The following ALPK2 variants were observed in gnomAD, a reference collection of about 807,000 sequenced individuals.
ALPK2 encodes alpha-protein kinase 2.
Under a neutral mutation model 163.1 loss-of-function variants are expected in ALPK2, and 127 were observed. The ratio of observed to expected loss-of-function variants is 0.78; its 90% CI spans 0.67 to 0.90. ALPK2 has a LOEUF of 0.90. ALPK2 is among the 40% of genes least tolerant of loss of function. The pLI, the probability that ALPK2 is intolerant of heterozygous loss-of-function variation, is 0.00. For synonymous variants in ALPK2, 953 were observed against 959.1 expected (o/e 0.99, Z 0.12); for missense variants, 2,360 against 2,589.6 (o/e 0.91, Z 1.92).
At chr18:58,623,760 T>A (rs560084710) in intron 1 of ALPK2, among the ~76,000 whole-genome samples, 38 of 152,354 alleles carry the variant, frequency 2.5e-4, no homozygotes, top group Admixed American at 1.6e-3. Flanking sequence ...CACGCCACCG[T>A]GCCTGGCTGG....
chr18:58,535,899 C>A lies in ALPK2; in HGVS notation c.4288G>T (p.Ala1430Ser). The change falls in exon 5 of 13, where the codon GCC (alanine) becomes TCC (serine). Residue 1430 changes from alanine (A) to serine (S), a missense_variant. Physicochemically the swap from Ala to Ser is moderately conservative, Grantham distance 99. Transcript: ENST00000361673. ...TCATTTGATTGACCCCCTTCTCTGG[C>A]GCCCTGTGGTGTGGTTTCAGAGGGC... The part of the protein sequence containing the change: ...PEPSETTPQG[A>S]REGGQSNDGN... 6.2e-7 allele frequency: 1 copy of A among 1,614,196 alleles called. No homozygotes were observed. Among genetic ancestry groups the A allele is most frequent in the Non-Finnish European group, 8.5e-7 (1 of 1,180,014 alleles).
Position 58,523,800 on chromosome 18 carries a change from A to T in ALPK2, c.5665+6T>A. Reference sequence around the variant, plus strand: ...TCCTCTGGCAGGTCAACCCTAACTGACTTACCTTTAGTATCCTGGCGACTT... The same window carrying T: ...TCCTCTGGCAGGTCAACCCTAACTGTCTTACCTTTAGTATCCTGGCGACTT... On this transcript the variant is annotated splice_donor_region_variant and intron_variant, in intron 8 of 12. Coordinates refer to ENST00000361673, the MANE Select transcript of ALPK2 (RefSeq NM_052947.4). The T allele has an allele frequency of 6.2e-7, 1 of 1,614,086 alleles. No individual in the cohort carries two copies. Among genetic ancestry groups the T allele is most frequent in the East Asian group, 2.2e-5 (1 of 44,886 alleles).
chr18:58,519,328 A>G (rs1391612135), intron 8 of ALPK2, among the ~76,000 whole-genome samples: 4 of 152,246 alleles, frequency 2.6e-5, no homozygotes, highest in Admixed American at 2.0e-4. Flanking sequence ...AATTTTAACA[A>G]TTTGGCCTCT....
At position 58,485,338 on chromosome 18, in the gene ALPK2, G is replaced by C. The variant is rs548651029; in HGVS notation, c.6297-3299C>G. ...TCGACACACCTGGACTGAATGGAGA[G>C]AGTTTTTTCCCTGTGCAATCCAAGC... is the stretch of plus-strand genomic sequence containing the variant. On this transcript the variant is annotated intron_variant, in intron 12 of 12. Transcript: ENST00000361673. 4.6e-5 allele frequency among the ~76,000 whole-genome samples: 7 copies of C among 152,342 alleles called. No homozygotes were observed. The South Asian group carries it at 1.0e-3, about 23-fold the overall frequency.
intron 3 of ALPK2, among the ~76,000 whole-genome samples, chr18:58,595,679 G>T (rs1331269864): frequency 6.6e-6 from 1 of 152,146 alleles, no homozygotes; most frequent in Non-Finnish European, 1.5e-5. Context: ...GAATTTTTTA[G>T]GGGTGGGATA....
rs765677626 is a variant in ALPK2 at position 58,535,845 on chromosome 18, G to A, written c.4342C>T (p.Gln1448Ter). 1.7e-5 allele frequency: 28 copies of A among 1,614,058 alleles called. No homozygotes were observed. Among genetic ancestry groups the A allele is most frequent in the Non-Finnish European group, 2.3e-5 (27 of 1,180,022 alleles). The change falls in exon 5 of 13, where the codon CAG (glutamine) becomes TAG (stop). Residue 1448 changes from glutamine to a stop codon, truncating the protein, a stop_gained. Transcript: ENST00000361673. LOFTEE classifies it high-confidence loss of function. ...DGNMGHEAEI[Q>*]PAILQVPCLQ... ...CATGGAACTTGCAAAATGGCCGGCTGGATTTCCGCTTCGTGGCCCATGTTT... is the reference window on the plus strand; with the variant it reads ...CATGGAACTTGCAAAATGGCCGGCTAGATTTCCGCTTCGTGGCCCATGTTT...
Position 58,537,355 on chromosome 18 carries a change from C to T in ALPK2, c.2832G>A (p.Gln944=). The T allele has an allele frequency of 6.2e-7, 1 of 1,613,978 alleles. No individual in the cohort carries two copies. The highest frequency in any genetic ancestry group is 8.5e-7 in the Non-Finnish European group (1 of 1,179,924). ...AAGGATTGTTCTCAGAAGAAAGGAG[C>T]TGTGTTTCATCAAGCCCTCCTGAGT... ...PSNSGGLDET[Q]LLSSENNPLV... The change falls in exon 5 of 13, where the codon CAG becomes CAA. Residue 944 remains glutamine, a synonymous_variant. Transcript: ENST00000361673.
At chr18:58,625,779 G>A (rs572887649) in intron 1 of ALPK2, among the ~76,000 whole-genome samples, 1 of 152,358 alleles carries the variant, frequency 6.6e-6, no homozygotes, top group East Asian at 1.9e-4. Flanking sequence ...CCTTGAGAGG[G>A]AGGGTGCAGT....
At chr18:58,516,856 T>C in intron 9 of ALPK2, 52 bp downstream of exon 9, 1 of 1,582,494 alleles carries the variant, frequency 6.3e-7, no homozygotes, top group Non-Finnish European at 8.7e-7. Context: ...TCTCGTCTTA[T>C]CATGGGTGGT....
chr18:58,562,694 C>T (rs758605654), intron 4 of ALPK2, among the ~76,000 whole-genome samples: 3 of 152,210 alleles, frequency 2.0e-5, no homozygotes, highest in Non-Finnish European at 4.4e-5. Context: ...CACAAAGGGC[C>T]GTATATTGGG....
chr18:58,585,236 G>A (rs1002410997), intron 3 of ALPK2, among the ~76,000 whole-genome samples: 29 of 151,934 alleles, frequency 1.9e-4, no homozygotes, highest in African/African-American at 6.5e-4. Flanking sequence ...GTTTATATGG[G>A]TTATATCTGT....
At position 58,482,045 on chromosome 18, in the gene ALPK2, A is replaced by G; in HGVS notation, c.6297-6T>C. 6.2e-7 allele frequency: 1 copy of G among 1,608,368 alleles called. No individual in the cohort carries two copies. The highest frequency in any genetic ancestry group is 8.5e-7 in the Non-Finnish European group (1 of 1,175,244). On this transcript the variant is annotated splice_polypyrimidine_tract_variant and splice_region_variant and intron_variant, in intron 12 of 12. Coordinates refer to ENST00000361673, the MANE Select transcript of ALPK2 (RefSeq NM_052947.4). ...TGCCTTTAAATCCCTTGTACCTGTG[A>G]GTTTGGGTGGAAGGAAACATAGCTT...
chr18:58,506,520 C>T (rs1397384761), intron 10 of ALPK2, among the ~76,000 whole-genome samples: 1 of 152,092 alleles, frequency 6.6e-6, no homozygotes, highest in South Asian at 2.1e-4. Flanking sequence ...AAAACTGAAA[C>T]AATCAATTCA....
chr18:58,554,024 G>T (rs1489208890), intron 4 of ALPK2, among the ~76,000 whole-genome samples: 5 of 151,920 alleles, frequency 3.3e-5, no homozygotes, highest in South Asian at 2.1e-4. Flanking sequence ...ACAAAGCCTG[G>T]CTAATTTTGT....
chr18:58,487,741 A>G (rs2051347096), intron 12 of ALPK2, among the ~76,000 whole-genome samples: 1 of 152,140 alleles, frequency 6.6e-6, no homozygotes. Context: ...CAGCATTCAG[A>G]CCAGGCGCAC....
intron 4 of ALPK2, among the ~76,000 whole-genome samples, chr18:58,575,721 G>GTACC (rs1218046486): frequency 2.0e-5 from 3 of 152,182 alleles, no homozygotes; most frequent in Non-Finnish European, 4.4e-5. Context: ...TTAGCCTGGG[G>GTACC]TACCCTCTCT....
chr18:58,500,482 A>G (rs2051426092), intron 11 of ALPK2, among the ~76,000 whole-genome samples: 1 of 152,258 alleles, frequency 6.6e-6, no homozygotes, highest in African/African-American at 2.4e-5. Context: ...TGTCAGTTTA[A>G]TGATTTGCCA....
Position 58,536,837 on chromosome 18 carries a change from G to T in ALPK2, c.3350C>A (p.Ala1117Glu), listed in dbSNP as rs1297115401. 1 of 1,614,016 alleles carries T rather than the reference G, an allele frequency of 6.2e-7. No individual in the cohort carries two copies. The highest frequency in any genetic ancestry group is 8.5e-7 in the Non-Finnish European group (1 of 1,180,030). Reference protein sequence around the residue: ...SGDKSQTVDRADFRSYEENFQ... With the variant: ...SGDKSQTVDREDFRSYEENFQ... ...ATTCTCTTCATAGCTCCTAAAGTCTGCTCTGTCCACAGTCTGGCTCTTATC... is the reference window on the plus strand; with the variant it reads ...ATTCTCTTCATAGCTCCTAAAGTCTTCTCTGTCCACAGTCTGGCTCTTATC... Residue 1117 changes from alanine (A) to glutamate (E), a missense_variant, in exon 5 of 13, where the codon GCA (alanine) becomes GAA (glutamate). Ala to Glu is a moderately radical substitution (Grantham distance 107, BLOSUM62 -1). Transcript: ENST00000361673.
At chr18:58,573,548 A>G (rs2144191020) in intron 4 of ALPK2, among the ~76,000 whole-genome samples, 1 of 148,108 alleles carries the variant, frequency 6.8e-6, no homozygotes, top group East Asian at 2.0e-4. Flanking sequence ...CTAGCCAGGA[A>G]TGCAGTATTT....
Sources: allele counts gnomAD v4.1 joint callset (sites outside exome capture counted in the v4.1 genomes callset), GRCh38; gene constraint gnomAD v4.1.1; transcripts MANE v1.5; gene names NCBI Gene and HGNC (gene_info 2026-07-23, HGNC 2026-07-21).